Variants in CFAP61 observed in about 807,000 individuals in gnomAD.
The protein encoded by CFAP61 is cilia and flagella associated protein 61, also known as cilia- and flagella-associated protein 61.
A neutral mutation model predicts 135.6 loss-of-function variants in CFAP61; 107 were observed. That is an observed-to-expected ratio of 0.79 (90% confidence interval 0.67 to 0.93). The LOEUF is 0.93. CFAP61 is among the 40% of genes least tolerant of loss of function. The pLI is 0.00. For synonymous variants in CFAP61, 575 were observed against 578.5 expected, an observed-to-expected ratio of 0.99 and a Z score of 0.09; for missense variants, 1,507 against 1,556.2, an observed-to-expected ratio of 0.97 and a Z score of 0.53.
chr20:20,189,069 C>A (rs2055720356), intron 14 of CFAP61, among the ~76,000 whole-genome samples: 1 of 152,176 alleles, frequency 6.6e-6, no homozygotes, highest in Non-Finnish European at 1.5e-5. Context: ...TTTATTTCTT[C>A]ATTCTACTGT....
At chr20:20,206,459 C>A (rs1357748305) in intron 17 of CFAP61, among the ~76,000 whole-genome samples, 1 of 152,172 alleles carries the variant, frequency 6.6e-6, no homozygotes, top group African/African-American at 2.4e-5. Context: ...CCTAGACAAC[C>A]AGTAGTCTAC....
intron 3 of CFAP61, among the ~76,000 whole-genome samples, chr20:20,072,140 A>G (rs1408471645): frequency 1.0e-5 from 1 of 96,332 alleles, no homozygotes; most frequent in East Asian, 3.2e-4. Context: ...TTTGAGATGG[A>G]GTCTCACTCT....
intron 20 of CFAP61, among the ~76,000 whole-genome samples, chr20:20,262,453 A>G (rs925346944): frequency 6.6e-6 from 1 of 152,242 alleles, no homozygotes; most frequent in South Asian, 2.1e-4. Context: ...CTTAGCCAAC[A>G]TCAACTGCAA....
chr20:20,262,822 T>A, intron 20 of CFAP61, 134 bp from the exon 21 acceptor site: 1 of 410,412 alleles, frequency 2.4e-6, no homozygotes, highest in Non-Finnish European at 4.2e-6. Flanking sequence ...TTTTTTTCAA[T>A]TAAAATCTGA....
At chr20:20,060,334 A>T (rs994702107) in intron 2 of CFAP61, among the ~76,000 whole-genome samples, 1 of 152,240 alleles carries the variant, frequency 6.6e-6, no homozygotes, top group Non-Finnish European at 1.5e-5. Flanking sequence ...TCCTCAGAAT[A>T]TGTTTTTGGA....
intron 17 of CFAP61, among the ~76,000 whole-genome samples, chr20:20,227,493 A>G (rs1039561014): frequency 6.6e-6 from 1 of 152,164 alleles, no homozygotes; most frequent in African/African-American, 2.4e-5. Flanking sequence ...CTACTCTATC[A>G]CTTCTTTGTA....
chr20:20,325,491 A>G (rs1258177410), intron 25 of CFAP61, among the ~76,000 whole-genome samples: 1 of 152,164 alleles, frequency 6.6e-6, no homozygotes, highest in African/African-American at 2.4e-5. Flanking sequence ...ATCATTCAGT[A>G]TGTATGTAGT....
At chr20:20,313,613 A>C (rs1250693087) in intron 25 of CFAP61, among the ~76,000 whole-genome samples, 2 of 152,232 alleles carry the variant, frequency 1.3e-5, no homozygotes, top group Non-Finnish European at 2.9e-5. Flanking sequence ...CCTTAAGTTC[A>C]TTCTCTAGGC....
chr20:20,147,767 G>T (rs1384703149), intron 9 of CFAP61, among the ~76,000 whole-genome samples: 1 of 151,150 alleles, frequency 6.6e-6, no homozygotes, highest in Non-Finnish European at 1.5e-5. Flanking sequence ...TTATTTGTTG[G>T]TTTTTTGTTT....
intron 9 of CFAP61, among the ~76,000 whole-genome samples, chr20:20,151,571 A>C (rs746978251): frequency 7.2e-5 from 11 of 152,112 alleles, no homozygotes; most frequent in Non-Finnish European, 1.0e-4. Flanking sequence ...TCATACCTGT[A>C]ATCCCAGCAC....
At chr20:20,340,799 A>G (rs767312919) in intron 25 of CFAP61, among the ~76,000 whole-genome samples, 1 of 152,150 alleles carries the variant, frequency 6.6e-6, no homozygotes, top group South Asian at 2.1e-4. Flanking sequence ...TGAACATACC[A>G]CCTAAACAGC....
rs369608945 is a variant in CFAP61, at chr20:20,360,462, C to T, written c.*52C>T. The T allele has an allele frequency of 1.4e-5, 21 of 1,534,672 alleles. No homozygotes were observed. In the South Asian group the frequency reaches 1.9e-4, roughly 14 times the overall value. The stretch of plus-strand genomic sequence containing the variant: ...TTTTCATTTATTTAGTTCCTGGAAA[C>T]GCGCTCTGTAGAAATAGAAAAGTTC... On this transcript the variant is annotated 3_prime_UTR_variant, in exon 27 of 27. Transcript: ENST00000245957.
At chr20:20,157,556 A>G (rs1474730199) in intron 9 of CFAP61, among the ~76,000 whole-genome samples, 4 of 152,360 alleles carry the variant, frequency 2.6e-5, no homozygotes, top group East Asian at 1.9e-4. Context: ...ACAATTTTAT[A>G]TCCATATACA....
intron 25 of CFAP61, among the ~76,000 whole-genome samples, chr20:20,300,346 C>T (rs540158218): frequency 7.2e-5 from 11 of 152,234 alleles, no homozygotes; most frequent in African/African-American, 2.4e-4. Context: ...ATTCAGAAGG[C>T]ATTATTATCA....
At chr20:20,216,262 C>T (rs374493759) in intron 17 of CFAP61, among the ~76,000 whole-genome samples, 3 of 152,154 alleles carry the variant, frequency 2.0e-5, no homozygotes, top group Non-Finnish European at 4.4e-5. Context: ...TTACCGCTGA[C>T]GTGCGTGTGA....
At chr20:20,329,024 G>A (rs1007952741) in intron 25 of CFAP61, among the ~76,000 whole-genome samples, 2 of 152,134 alleles carry the variant, frequency 1.3e-5, no homozygotes, top group African/African-American at 4.8e-5. Flanking sequence ...TTGTTTACAC[G>A]CCAGGTTCCT....
rs963841218 is a variant in CFAP61, at chr20:20,359,652, G to A, written c.3514-558G>A. Among the ~76,000 whole-genome samples, 1 of 147,522 alleles carries A rather than the reference G, an allele frequency of 6.8e-6. No homozygotes were observed. The highest frequency in any genetic ancestry group is 2.5e-5 in the African/African-American group (1 of 40,076). On this transcript the variant is annotated intron_variant, in intron 26 of 26. Transcript: ENST00000245957. This position sits in a 1 kb window ranked among gnomAD's most constrained non-coding sequence, Gnocchi z 4.0. The stretch of plus-strand genomic sequence containing the variant: ...GCACTCCAGCCTGGGCAACAACAGC[G>A]AAATTCCGTCTCAAAAAGCAAAAAA...
At chr20:20,067,040 T>A (rs2045324996) in intron 2 of CFAP61, among the ~76,000 whole-genome samples, 1 of 152,018 alleles carries the variant, frequency 6.6e-6, no homozygotes, top group African/African-American at 2.4e-5. Context: ...TTTCACTGCA[T>A]GTAAATTATA....
chr20:20,082,555 T>C (rs2046505285), intron 6 of CFAP61, among the ~76,000 whole-genome samples: 1 of 152,218 alleles, frequency 6.6e-6, no homozygotes, highest in Admixed American at 6.5e-5. Flanking sequence ...ACTGGCATGC[T>C]CTTTTTCTGG....
Sources: gnomAD v4.1 joint callset for allele counts (sites outside exome capture counted in the v4.1 genomes callset) on GRCh38, gnomAD v4.1.1 for gene constraint, Gnocchi (gnomAD v3.1) non-coding constraint, MANE v1.5 for transcripts, NCBI Gene and HGNC (gene_info 2026-07-23, HGNC 2026-07-21) for gene names.